Variants in FOXP1 observed in about 807,000 individuals in gnomAD.
The protein encoded by FOXP1 is forkhead box protein P1.
In FOXP1, 15 loss-of-function variants were observed where a neutral mutation model predicts 98.2. That is an observed-to-expected ratio of 0.15 (90% CI 0.10 to 0.24). FOXP1 has a LOEUF of 0.24. FOXP1 is among the 10% of genes least tolerant of loss of function. The pLI, the probability that FOXP1 is intolerant of heterozygous loss-of-function variation, is 1.00. For missense variants in FOXP1, 633 were observed against 848.5 expected (o/e 0.75, Z 3.15); for synonymous variants, 371 against 314.5 (o/e 1.18, Z -1.90).
At chr3:71,168,579 C>T (rs1415689266) in intron 6 of FOXP1, among the ~76,000 whole-genome samples, 2 of 152,150 alleles carry the variant, frequency 1.3e-5, no homozygotes, top group East Asian at 3.9e-4. Context: ...CAAACAAAAA[C>T]AAAATAACAT....
intron 3 of FOXP1, chr3:71,360,710 G>A (rs1319803592): frequency 1.3e-5 from 2 of 152,138 alleles, no homozygotes; most frequent in African/African-American, 4.8e-5. Flanking sequence ...TAGAAAGCCT[G>A]AGCTTTCAAG....
chr3:71,203,311 T>C (rs991109956), intron 5 of FOXP1, among the ~76,000 whole-genome samples: 1 of 152,218 alleles, frequency 6.6e-6, no homozygotes, highest in African/African-American at 2.4e-5. Context: ...ACAGAGCTAC[T>C]GACTTCAAAG....
chr3:71,242,215 A>C (rs923730666), intron 5 of FOXP1, among the ~76,000 whole-genome samples: 8 of 152,218 alleles, frequency 5.3e-5, no homozygotes, highest in Non-Finnish European at 7.3e-5. Context: ...TTCATTTAAA[A>C]GACATTCGTG....
intron 1 of FOXP1, chr3:71,582,573 C>A: frequency 2.0e-6 from 2 of 985,426 alleles, no homozygotes; most frequent in South Asian, 4.7e-5. Context: ...CAGGACAAAT[C>A]GGAGCTTGGG....
At chr3:71,376,927 TC>T (rs2108020832) in intron 3 of FOXP1, among the ~76,000 whole-genome samples, 1 of 152,262 alleles carries the variant, frequency 6.6e-6, no homozygotes, top group South Asian at 2.1e-4. Flanking sequence ...TCATATGTAT[TC>T]TTTTTTTTTA....
intron 1 of FOXP1, among the ~76,000 whole-genome samples, chr3:71,583,211 A>C (rs2048328454): frequency 6.6e-6 from 1 of 152,018 alleles, no homozygotes; most frequent in Non-Finnish European, 1.5e-5. Context: ...GCCTACGGGC[A>C]GGCGATCTCG....
At chr3:71,464,520 G>A (rs2088493644) in intron 3 of FOXP1, among the ~76,000 whole-genome samples, 1 of 152,172 alleles carries the variant, frequency 6.6e-6, no homozygotes, top group African/African-American at 2.4e-5. Flanking sequence ...GCCTCTTTGG[G>A]AGTTGACTGG....
intron 3 of FOXP1, among the ~76,000 whole-genome samples, chr3:71,388,883 C>T (rs1288524): frequency 0.019 from 2,900 of 151,844 alleles, 35 homozygotes; most frequent in Non-Finnish European, 0.028. Context: ...ACGTGTAGAG[C>T]GAATGGTCTT....
At chr3:71,245,500 T>C (rs1336517400) in intron 5 of FOXP1, 1 of 152,108 alleles carries the variant, frequency 6.6e-6, no homozygotes, top group Non-Finnish European at 1.5e-5. Flanking sequence ...CCGTGCCAGT[T>C]TAATCATTAA....
intron 5 of FOXP1, among the ~76,000 whole-genome samples, chr3:71,280,101 C>T (rs1389756089): frequency 8.2e-6 from 1 of 122,560 alleles, no homozygotes; most frequent in Non-Finnish European, 1.6e-5. Flanking sequence ...CCAGCCTGCG[C>T]AACAGAGTGA....
intron 11 of FOXP1, among the ~76,000 whole-genome samples, chr3:71,029,874 T>C (rs907457811): frequency 1.3e-5 from 2 of 152,228 alleles, no homozygotes; most frequent in African/African-American, 4.8e-5. Flanking sequence ...AGAGTTATTA[T>C]ATAATACATG....
At chr3:71,433,143 T>A (rs1307392938) in intron 3 of FOXP1, among the ~76,000 whole-genome samples, 1 of 152,200 alleles carries the variant, frequency 6.6e-6, no homozygotes, top group Non-Finnish European at 1.5e-5. Flanking sequence ...CTATACATGT[T>A]CTTATATGTA....
intron 17 of FOXP1, among the ~76,000 whole-genome samples, chr3:70,973,248 C>T (rs1363361927): frequency 4.7e-5 from 7 of 149,710 alleles, no homozygotes; most frequent in Non-Finnish European, 8.9e-5. Context: ...GCCCCCGCCC[C>T]GCCCCGCCCC....
intron 5 of FOXP1, among the ~76,000 whole-genome samples, chr3:71,270,520 C>T (rs1018829400): frequency 6.6e-5 from 10 of 152,188 alleles, no homozygotes; most frequent in Middle Eastern, 6.8e-3. Context: ...AGAGAGAAGG[C>T]GCCAAATAAA....
intron 3 of FOXP1, among the ~76,000 whole-genome samples, chr3:71,456,546 T>G (rs1376877436): frequency 6.6e-6 from 1 of 152,180 alleles, no homozygotes; most frequent in African/African-American, 2.4e-5. Flanking sequence ...CTAGAGACTA[T>G]GGAAGAAGCC....
chr3:71,540,451 G>A (rs1008112825), intron 2 of FOXP1, among the ~76,000 whole-genome samples: 1 of 152,324 alleles, frequency 6.6e-6, no homozygotes, highest in Middle Eastern at 3.4e-3. Flanking sequence ...GAAACTCAAG[G>A]CTAAATATGG....
intron 6 of FOXP1, among the ~76,000 whole-genome samples, chr3:71,164,030 G>C (rs1433350966): frequency 6.6e-6 from 1 of 152,102 alleles, no homozygotes; most frequent in African/African-American, 2.4e-5. Flanking sequence ...ATTCTGCACA[G>C]ACGAAAGCTC....
intron 3 of FOXP1, among the ~76,000 whole-genome samples, chr3:71,375,616 T>C (rs1231961298): frequency 6.6e-6 from 1 of 152,134 alleles, no homozygotes; most frequent in Non-Finnish European, 1.5e-5. Flanking sequence ...AAGTAAAGAA[T>C]AAAGAGTACA....
intron 11 of FOXP1, among the ~76,000 whole-genome samples, chr3:71,021,708 C>G (rs1304624825): frequency 6.6e-6 from 1 of 152,112 alleles, no homozygotes; most frequent in Non-Finnish European, 1.5e-5. Flanking sequence ...TATCTTTATT[C>G]CAGCCATCCT....
Sources: gnomAD v4.1 joint callset for allele counts (sites outside exome capture counted in the v4.1 genomes callset) on GRCh38, gnomAD v4.1.1 for gene constraint, MANE v1.5 for transcripts, NCBI Gene and HGNC (gene_info 2026-07-23, HGNC 2026-07-21) for gene names.